ZNF451: variants seen among roughly 807,000 people sequenced by gnomAD.
The protein encoded by ZNF451 is zinc finger protein 451, also known as E3 SUMO-protein ligase ZNF451.
A neutral mutation model predicts 107.1 loss-of-function variants in ZNF451; 80 were observed. The observed-to-expected ratio is 0.75, with a 90% CI of 0.62 to 0.90. The LOEUF (loss-of-function observed/expected upper bound fraction) is 0.90, where lower values mean the gene tolerates loss of function less well. Ranked by LOEUF, ZNF451 falls within the 40% of genes least tolerant of loss-of-function variation. The pLI, the probability that ZNF451 is intolerant of heterozygous loss-of-function variation, is 0.00. For missense variants in ZNF451, 1,107 were observed against 1,236.2 expected, an observed-to-expected ratio of 0.90 and a Z score of 1.57; for synonymous variants, 362 against 406.5, an observed-to-expected ratio of 0.89 and a Z score of 1.32.
At chr6:57,165,701 A>T (rs1763866157) in intron 14 of ZNF451, 1 of 152,188 alleles carries the variant, frequency 6.6e-6, no homozygotes, top group Admixed American at 6.5e-5. Context: ...TTCTTTGAAC[A>T]TACATAAGAC....
At chr6:57,136,597 A>G (rs1261294077) in intron 7 of ZNF451, among the ~76,000 whole-genome samples, 2 of 152,172 alleles carry the variant, frequency 1.3e-5, no homozygotes, top group African/African-American at 2.4e-5. Flanking sequence ...AAAAAGGGTG[A>G]AAGAGAACTG....
At chr6:57,154,125 C>A in intron 13 of ZNF451, 78 bp downstream of exon 13, 1 of 1,402,702 alleles carries the variant, frequency 7.1e-7, no homozygotes, top group Non-Finnish European at 1.0e-6. Context: ...AAACTGCTGT[C>A]CGCTAGTGAA....
chr6:57,136,332 C>T (rs1013098544), intron 7 of ZNF451, among the ~76,000 whole-genome samples: 2 of 151,822 alleles, frequency 1.3e-5, no homozygotes, highest in Non-Finnish European at 2.9e-5. Context: ...CAATTCCTTC[C>T]TTTTTTTTAG....
intron 4 of ZNF451, 89 bp from the exon 5 acceptor site, chr6:57,128,640 A>G (rs1012956835): frequency 1.3e-6 from 1 of 763,194 alleles, no homozygotes; most frequent in Non-Finnish European, 2.2e-6. Flanking sequence ...AAAAGTAATC[A>G]GTATTTTCTG....
intron 3 of ZNF451, among the ~76,000 whole-genome samples, chr6:57,117,379 A>G (rs1017002337): frequency 3.3e-5 from 5 of 151,908 alleles, no homozygotes; most frequent in African/African-American, 7.3e-5. Flanking sequence ...GTAGTTAAAT[A>G]AAATATGTAG....
At chr6:57,118,135 A>T (rs1214930354) in intron 3 of ZNF451, among the ~76,000 whole-genome samples, 1 of 152,194 alleles carries the variant, frequency 6.6e-6, no homozygotes, top group African/African-American at 2.4e-5. Context: ...TAGTCTCCAG[A>T]CAAATTTAGG....
chr6:57,133,700 T>G (rs147256488), intron 6 of ZNF451, among the ~76,000 whole-genome samples: 79 of 152,300 alleles, frequency 5.2e-4, no homozygotes, highest in African/African-American at 1.7e-3. Context: ...TTGTTTGTTT[T>G]TTTGAGACAG....
intron 2 of ZNF451, among the ~76,000 whole-genome samples, chr6:57,098,360 T>A (rs1193233240): frequency 6.6e-6 from 1 of 151,870 alleles, no homozygotes; most frequent in Non-Finnish European, 1.5e-5. Flanking sequence ...TAGTTTTCCA[T>A]TTTACTTGTA....
intron 14 of ZNF451, among the ~76,000 whole-genome samples, chr6:57,163,435 A>ATTTT (rs1562631987): frequency 3.9e-5 from 2 of 50,874 alleles, no homozygotes; most frequent in Non-Finnish European, 9.2e-5. Flanking sequence ...AAATGAATAA[A>ATTTT]CTTTTTTTTT....
chr6:57,147,352 A>C lies in ZNF451; in HGVS notation c.1267A>C (p.Lys423Gln). The C allele has an allele frequency of 6.2e-7, 1 of 1,614,136 alleles. No homozygotes were observed. Among genetic ancestry groups the C allele is most frequent in the Non-Finnish European group, 8.5e-7 (1 of 1,179,994 alleles). ...CTTGCATTTATTGTTGGATCAATCA[A>C]AATTTTCATCACTTAAAAGAACCAT... The part of the protein sequence containing the change: ...SDLHLLLDQS[K>Q]FSSLKRTMSI... Residue 423 changes from lysine (K) to glutamine (Q), a missense_variant, in exon 10 of 15, where the codon AAA becomes CAA. Lys to Gln is a moderately conservative substitution (Grantham distance 53, BLOSUM62 1). Around this residue, in one of 5 missense-constraint regions of ZNF451, gnomAD observed 608 missense variants for 649.2 expected, o/e 0.94. Transcript: ENST00000370706.
At chr6:57,118,155 T>C (rs899111712) in intron 3 of ZNF451, among the ~76,000 whole-genome samples, 1 of 152,222 alleles carries the variant, frequency 6.6e-6, no homozygotes, top group Non-Finnish European at 1.5e-5. Flanking sequence ...GCATAAGATA[T>C]ACTTTCTGTT....
At chr6:57,123,057 A>ACTCAGGAGGCTGTAGTCCCTGT (rs1830720158) in intron 3 of ZNF451, among the ~76,000 whole-genome samples, 2 of 152,020 alleles carry the variant, frequency 1.3e-5, no homozygotes, top group Non-Finnish European at 2.9e-5. Context: ...AGTCCCAGCT[A>ACTCAGGAGGCTGTAGTCCCTGT]CTCAGGAGGC....
At chr6:57,131,389 CT>C (rs1319929283) in intron 5 of ZNF451, among the ~76,000 whole-genome samples, 1 of 151,984 alleles carries the variant, frequency 6.6e-6, no homozygotes, top group African/African-American at 2.4e-5. Context: ...GCTTCTCCAA[CT>C]TTATTTTTAT....
chr6:57,141,916 C>T (rs929610394), intron 8 of ZNF451, 32 bp from the exon 9 acceptor site: 2 of 1,599,304 alleles, frequency 1.3e-6, no homozygotes, highest in Admixed American at 3.4e-5. Flanking sequence ...ACTCAAATAA[C>T]TTTGCAAATT....
At chr6:57,091,585 C>T (rs141826360) in intron 2 of ZNF451, 1 of 153,012 alleles carries the variant, frequency 6.5e-6, no homozygotes, top group Non-Finnish European at 1.5e-5. Flanking sequence ...CTTTGTACAG[C>T]ATGGGTTTCC....
intron 3 of ZNF451, chr6:57,102,113 C>A: frequency 2.0e-6 from 3 of 1,478,130 alleles, no homozygotes; most frequent in South Asian, 1.4e-5. Flanking sequence ...GTTTAATGTT[C>A]AGCAGAGTAG....
intron 4 of ZNF451, among the ~76,000 whole-genome samples, 158 bp from the exon 5 acceptor site, chr6:57,128,571 C>G (rs560773907): frequency 1.7e-4 from 26 of 152,226 alleles, no homozygotes; most frequent in African/African-American, 6.3e-4. Flanking sequence ...TTAGAGCGTG[C>G]ATTTTTATTT....
intron 7 of ZNF451, among the ~76,000 whole-genome samples, chr6:57,138,227 A>G (rs1831532838): frequency 6.7e-6 from 1 of 149,434 alleles, no homozygotes; most frequent in Admixed American, 6.7e-5. Context: ...TTCAGTTTTT[A>G]GCCAGTCTAG....
chr6:57,100,931 C>T (rs1829561129), intron 3 of ZNF451: 9 of 1,550,976 alleles, frequency 5.8e-6, no homozygotes, highest in Non-Finnish European at 7.8e-6. Flanking sequence ...ATAGATTCTT[C>T]TTCAGCTTCA....
Sources: gnomAD v4.1 joint callset for allele counts (sites outside exome capture counted in the v4.1 genomes callset) on GRCh38, gnomAD v4.1.1 for gene constraint, gnomAD v4.1.1 regional missense constraint, MANE v1.5 for transcripts, NCBI Gene and HGNC (gene_info 2026-07-23, HGNC 2026-07-21) for gene names.